The following PRKN variants were observed in gnomAD, a reference collection of about 807,000 sequenced individuals.
PRKN encodes parkin RBR E3 ubiquitin protein ligase.
In PRKN, 56 loss-of-function variants were observed where a neutral mutation model predicts 59.5. That is an observed-to-expected ratio of 0.94 (90% CI 0.76 to 1.18). The LOEUF (loss-of-function observed/expected upper bound fraction) is 1.18, where lower values mean the gene tolerates loss of function less well. PRKN is among the 50% of genes most tolerant of loss of function. The pLI is 0.00. For synonymous variants in PRKN, 250 were observed against 222.1 expected (o/e 1.13, Z -1.12); for missense variants, 657 against 596.4 (o/e 1.10, Z -1.06).
At chr6:162,477,648 TC>T (rs1792089222) in intron 1 of PRKN, among the ~76,000 whole-genome samples, 2 of 152,104 alleles carry the variant, frequency 1.3e-5, no homozygotes, top group Non-Finnish European at 2.9e-5. Flanking sequence ...TGCTATACTT[TC>T]CCCTTTCAGT....
chr6:162,487,602 A>G (rs966838663), intron 1 of PRKN, among the ~76,000 whole-genome samples: 2 of 152,214 alleles, frequency 1.3e-5, no homozygotes, highest in Non-Finnish European at 2.9e-5. Flanking sequence ...TCCTGGCAAA[A>G]AGCTTCACTA....
intron 1 of PRKN, among the ~76,000 whole-genome samples, chr6:162,499,095 G>A (rs906288160): frequency 6.6e-6 from 1 of 152,156 alleles, no homozygotes; most frequent in Non-Finnish European, 1.5e-5. Context: ...GGTCTTCTGC[G>A]GGATACGTAA....
chr6:162,624,060 C>G (rs544671565), intron 1 of PRKN, among the ~76,000 whole-genome samples: 61 of 152,004 alleles, frequency 4.0e-4, no homozygotes, highest in Admixed American at 7.2e-4. Flanking sequence ...ATCAGCCTGG[C>G]TAACATGGTG....
intron 6 of PRKN, among the ~76,000 whole-genome samples, chr6:161,963,365 G>T (rs1790002): frequency 0.34 from 51,803 of 152,126 alleles, 9,934 homozygotes; most frequent in South Asian, 0.51. Flanking sequence ...TCATGCACAA[G>T]CACCTGTGAC....
At chr6:162,134,383 TTTTGTTTGTTTATTTGGTTG>T (rs1781488514) in intron 4 of PRKN, among the ~76,000 whole-genome samples, 1 of 152,200 alleles carries the variant, frequency 6.6e-6, no homozygotes, top group Non-Finnish European at 1.5e-5. Context: ...CTTTCCTTTG[TTTTGTTTGTTTATTTGGTTG>T]TTTGCTTGTT....
intron 7 of PRKN, among the ~76,000 whole-genome samples, chr6:161,693,511 T>C (rs1785890136): frequency 6.6e-6 from 1 of 152,156 alleles, no homozygotes; most frequent in Admixed American, 6.5e-5. Flanking sequence ...TGCTGAACAA[T>C]ACATACAATT....
At chr6:162,654,589 T>C (rs1778567213) in intron 1 of PRKN, among the ~76,000 whole-genome samples, 1 of 152,234 alleles carries the variant, frequency 6.6e-6, no homozygotes, top group Non-Finnish European at 1.5e-5. Context: ...TTGACATTTA[T>C]CCTTCAAAAT....
intron 9 of PRKN, among the ~76,000 whole-genome samples, chr6:161,537,687 G>C (rs558868540): frequency 1.3e-5 from 2 of 152,118 alleles, no homozygotes; most frequent in East Asian, 1.9e-4. Flanking sequence ...TCCTGACCTC[G>C]TGATCCGCCC....
intron 1 of PRKN, among the ~76,000 whole-genome samples, chr6:162,658,640 G>C (rs1778749584): frequency 7.2e-6 from 1 of 138,084 alleles, no homozygotes; most frequent in African/African-American, 2.7e-5. Flanking sequence ...CAGCCTGGGC[G>C]ACAGAGTGAG....
In PRKN at chr6:162,435,110, AAC is replaced by A. The variant is rs562222886; in HGVS notation, c.171+8198_171+8199del. On this transcript the variant is annotated intron_variant, in intron 2 of 11. Transcript: ENST00000366898. ...TGAAACTAGGACTTCAGTGAACAGT[AAC>A]ACAGTTTCAGTATGGCATCTCTTCT... Among the ~76,000 whole-genome samples the A allele has an allele frequency of 7.2e-5, 11 of 152,322 alleles. 1 individual carries two copies. The highest frequency in any genetic ancestry group is 2.4e-4 in the African/African-American group (10 of 41,584).
In PRKN at chr6:161,350,051, T is replaced by C. The variant is rs1784456868; in HGVS notation, c.*48A>G. The C allele has an allele frequency of 8.7e-7, 1 of 1,149,540 alleles. No individual in the cohort carries two copies. The highest frequency in any genetic ancestry group is 1.3e-6 in the Non-Finnish European group (1 of 761,384). The allele number at this position is 1,149,540 out of a possible 1,614,324, so 71.2% of individuals were successfully genotyped here. A position where few individuals can be genotyped will look rare whatever the true frequency, so the allele number is the denominator to read the frequency against. On this transcript the variant is annotated 3_prime_UTR_variant, in exon 12 of 12. Coordinates refer to ENST00000366898, the MANE Select transcript of PRKN (RefSeq NM_004562.3). ...AGAATTAGAAAATGAAGGTAGACAC[T>C]GGGTATGCTCCCCCAGGATGTGGCG...
intron 2 of PRKN, among the ~76,000 whole-genome samples, chr6:162,414,710 C>A (rs67567168): frequency 0.061 from 6,070 of 99,532 alleles, 863 homozygotes; most frequent in Non-Finnish European, 0.07. Context: ...GACTCCGTCT[C>A]AAAAAAAAAA....
chr6:162,595,489 C>A (rs1439134717), intron 1 of PRKN, among the ~76,000 whole-genome samples: 1 of 152,040 alleles, frequency 6.6e-6, no homozygotes, highest in African/African-American at 2.4e-5. Context: ...CCCTTGACCT[C>A]AGGTGATCCA....
chr6:162,414,726 A>AAAAAAAAAAAAAAAAAAAAAATGT (rs34838356), intron 2 of PRKN, among the ~76,000 whole-genome samples: 1 of 91,870 alleles, frequency 1.1e-5, no homozygotes, highest in Non-Finnish European at 2.1e-5. Context: ...AAAAAAAAAA[A>AAAAAAAAAAAAAAAAAAAAAATGT]AGTGAATCTT....
intron 2 of PRKN, among the ~76,000 whole-genome samples, chr6:162,373,182 T>C (rs540106903): frequency 6.6e-6 from 1 of 152,346 alleles, no homozygotes; most frequent in African/African-American, 2.4e-5. Context: ...GATGTGTAAC[T>C]AGTAATATAA....
intron 7 of PRKN, among the ~76,000 whole-genome samples, chr6:161,766,398 C>A (rs760926873): frequency 1.3e-5 from 2 of 151,714 alleles, no homozygotes; most frequent in Non-Finnish European, 2.9e-5. Context: ...ACCTCCACCT[C>A]CCGGGTTCAA....
intron 1 of PRKN, among the ~76,000 whole-genome samples, chr6:162,446,006 A>G (rs1790300629): frequency 6.6e-6 from 1 of 152,158 alleles, no homozygotes; most frequent in African/African-American, 2.4e-5. Flanking sequence ...ACGACCAGTG[A>G]CAAAGTGCTC....
At chr6:162,369,177 T>C (rs1045263203) in intron 2 of PRKN, among the ~76,000 whole-genome samples, 1 of 152,196 alleles carries the variant, frequency 6.6e-6, no homozygotes, top group Non-Finnish European at 1.5e-5. Context: ...CAAATATGTA[T>C]CCAAAAAGAA....
At chr6:162,633,738 T>C (rs141379265) in intron 1 of PRKN, among the ~76,000 whole-genome samples, 7 of 151,576 alleles carry the variant, frequency 4.6e-5, no homozygotes, top group Admixed American at 4.6e-4. Context: ...CAGAATAACA[T>C]GAGGTGGGGG....
Sources: allele counts gnomAD v4.1 joint callset (sites outside exome capture counted in the v4.1 genomes callset), GRCh38; gene constraint gnomAD v4.1.1; transcripts MANE v1.5; gene names NCBI Gene and HGNC (gene_info 2026-07-23, HGNC 2026-07-21).